Variants in RASGRF2 observed in about 807,000 individuals in gnomAD.
RASGRF2 encodes the protein Ras protein specific guanine nucleotide releasing factor 2, also known as ras-specific guanine nucleotide-releasing factor 2.
RASGRF2 carries 76 observed loss-of-function variants against 151.0 expected under a neutral mutation model. That is an observed-to-expected ratio of 0.50 (90% CI 0.42 to 0.61). The LOEUF (loss-of-function observed/expected upper bound fraction) is 0.61. Among genes scored for constraint, RASGRF2 ranks in the 20% least tolerant of loss-of-function variants. The probability of loss-of-function intolerance (pLI) is 0.00; values close to 1 mark genes in which losing one functional copy is unlikely to be tolerated. For synonymous variants in RASGRF2, 504 were observed against 566.5 expected (o/e 0.89, Z 1.57); for missense variants, 1,148 against 1,564.6 (o/e 0.73, Z 4.49).
At position 81,101,636 on chromosome 5, in the gene RASGRF2, G is replaced by GTC. The variant is rs538013298; in HGVS notation, c.1755+6657_1755+6658dup. ...TCTCTGTCTCTCTTTCTTTCTCTCT[G>GTC]TCTCTCTCTCTCTCCATCCATGCAT... is the stretch of plus-strand genomic sequence containing the variant. On this transcript the variant is annotated intron_variant, in intron 12 of 26. Transcript: ENST00000265080. Among the ~76,000 whole-genome samples the GTC allele has an allele frequency of 1.7e-3, 264 of 151,106 alleles. 2 individuals are homozygous for GTC. Among genetic ancestry groups the GTC allele is most frequent in the East Asian group, 9.7e-4 (5 of 5,148 alleles).
chr5:81,203,606 C>A (rs1176309155), intron 19 of RASGRF2, among the ~76,000 whole-genome samples: 1 of 152,202 alleles, frequency 6.6e-6, no homozygotes, highest in Non-Finnish European at 1.5e-5. Flanking sequence ...CTTGAAACTA[C>A]AACACTGAGC....
intron 1 of RASGRF2, among the ~76,000 whole-genome samples, chr5:81,031,288 C>T (rs528707895): frequency 1.3e-5 from 2 of 152,280 alleles, no homozygotes; most frequent in Non-Finnish European, 2.9e-5. Flanking sequence ...CTCAGCTCTG[C>T]ACCAAGCAGA....
chr5:81,214,305 A>G (rs760865096), intron 23 of RASGRF2, among the ~76,000 whole-genome samples: 5 of 152,216 alleles, frequency 3.3e-5, no homozygotes, highest in African/African-American at 4.8e-5. Context: ...TGGCCTTAGC[A>G]TGGGCTAGTG....
In RASGRF2 at chr5:80,985,852, T is replaced by G. The variant is rs185769834; in HGVS notation, c.288+24826T>G. Among the ~76,000 whole-genome samples the G allele has an allele frequency of 1.1e-3, 171 of 152,194 alleles. No homozygotes were observed. The Middle Eastern group carries it at 0.014, about 12-fold the overall frequency. ...CACCAAAAGGAGTCTGAAGAGAGTG[T>G]TAGGTATGAAGCAAAGATTTTTGTT... On this transcript the variant is annotated intron_variant, in intron 1 of 26. Transcript: ENST00000265080.
chr5:81,147,083 T>C (rs1336388884), intron 17 of RASGRF2, among the ~76,000 whole-genome samples: 1 of 152,180 alleles, frequency 6.6e-6, no homozygotes, highest in Non-Finnish European at 1.5e-5. Flanking sequence ...ATGATCAAGA[T>C]GTGAACTCCT....
intron 1 of RASGRF2, among the ~76,000 whole-genome samples, chr5:81,007,797 C>T (rs992639996): frequency 6.6e-6 from 1 of 152,088 alleles, no homozygotes; most frequent in African/African-American, 2.4e-5. Flanking sequence ...GGAGTGACCT[C>T]ATCCATGGAG....
At chr5:81,088,280 A>G (rs897725513) in intron 9 of RASGRF2, 4 of 152,118 alleles carry the variant, frequency 2.6e-5, no homozygotes, top group African/African-American at 7.2e-5. Context: ...TGCTTGTCCC[A>G]CCAGGCTCAG....
At chr5:81,112,549 C>T (rs1405689374) in intron 13 of RASGRF2, 61 bp from the exon 14 acceptor site, 10 of 1,602,114 alleles carry the variant, frequency 6.2e-6, no homozygotes, top group African/African-American at 1.3e-5. Flanking sequence ...CTGAAATATT[C>T]AGTGGCCGAG....
rs116036948 is a variant in RASGRF2 at position 81,210,330 on chromosome 5, G to A, written c.3156+1892G>A. On this transcript the variant is annotated intron_variant, in intron 22 of 26. Coordinates refer to ENST00000265080, the MANE Select transcript of RASGRF2 (RefSeq NM_006909.3). ...TCAGCTGCTTGAGCCAGTCGCTCCC[G>A]CGCACAGCTGTGTGGCCAGCTCTCA... is the stretch of plus-strand genomic sequence containing the variant. 261 of 152,522 alleles carry A rather than the reference G, an allele frequency of 1.7e-3. 4 individuals are homozygous for A. The highest frequency in any genetic ancestry group is 6.1e-3 in the African/African-American group (252 of 41,584). The allele number at this position is 152,522 out of a possible 1,614,324, so 9.4% of individuals were successfully genotyped here.
chr5:81,132,368 T>A (rs1365985510), intron 17 of RASGRF2, among the ~76,000 whole-genome samples: 1 of 152,132 alleles, frequency 6.6e-6, no homozygotes, highest in African/African-American at 2.4e-5. Flanking sequence ...TTTAAATTGT[T>A]TGTTGTTGTT....
intron 17 of RASGRF2, among the ~76,000 whole-genome samples, chr5:81,138,141 C>T (rs1753799481): frequency 6.6e-6 from 1 of 152,156 alleles, no homozygotes; most frequent in African/African-American, 2.4e-5. Flanking sequence ...TGTTATCTTA[C>T]TGGGTCTCTG....
At chr5:80,977,262 T>C (rs369701324) in intron 1 of RASGRF2, among the ~76,000 whole-genome samples, 3 of 152,292 alleles carry the variant, frequency 2.0e-5, no homozygotes, top group East Asian at 3.9e-4. Flanking sequence ...GTCCAGTATA[T>C]TGAGGCCAAA....
chr5:81,019,608 T>G (rs1749762963), intron 1 of RASGRF2: 1 of 152,236 alleles, frequency 6.6e-6, no homozygotes, highest in African/African-American at 2.4e-5. Context: ...TGTAGTAATT[T>G]AAAACCCTGC....
Position 81,007,918 on chromosome 5 carries a change from C to T in RASGRF2, c.289-34959C>T, listed in dbSNP as rs140151265. On this transcript the variant is annotated intron_variant, in intron 1 of 26. Coordinates refer to ENST00000265080, the MANE Select transcript of RASGRF2 (RefSeq NM_006909.3). ...TGAACAGGAAAAGCAATGGAAGCAT[C>T]CTCATCCCTTGGCCATGGCAGTTAT... 1.2e-3 allele frequency among the ~76,000 whole-genome samples: 178 copies of T among 152,238 alleles called. 1 individual carries two copies. Among genetic ancestry groups the T allele is most frequent in the Non-Finnish European group, 2.0e-3 (137 of 68,028 alleles).
At chr5:81,181,419 A>T (rs1754914185) in intron 18 of RASGRF2, among the ~76,000 whole-genome samples, 1 of 152,244 alleles carries the variant, frequency 6.6e-6, no homozygotes, top group Non-Finnish European at 1.5e-5. Context: ...CATACTAAAT[A>T]ATGTAAACAT....
intron 26 of RASGRF2, among the ~76,000 whole-genome samples, chr5:81,220,193 A>T (rs972764745): frequency 1.3e-5 from 2 of 152,018 alleles, no homozygotes; most frequent in African/African-American, 4.8e-5. Flanking sequence ...TCTTAGGATT[A>T]AAAAAAATTA....
In RASGRF2 at chr5:81,016,858, G is replaced by A. The variant is rs149711404; in HGVS notation, c.289-26019G>A. Among the ~76,000 whole-genome samples, 1,151 of 152,150 alleles carry A rather than the reference G, an allele frequency of 7.6e-3. 13 individuals carry two copies. The highest frequency in any genetic ancestry group is 0.026 in the African/African-American group (1,098 of 41,506). The stretch of plus-strand genomic sequence containing the variant: ...TAGAAAACTCTTGCATGTCATTCAA[G>A]CTTAAAAAATATAAACTCCTCTCTA... On this transcript the variant is annotated intron_variant, in intron 1 of 26. Coordinates refer to ENST00000265080, the MANE Select transcript of RASGRF2 (RefSeq NM_006909.3).
intron 2 of RASGRF2, among the ~76,000 whole-genome samples, chr5:81,065,669 C>G (rs148664581): frequency 6.6e-6 from 1 of 152,198 alleles, no homozygotes; most frequent in African/African-American, 2.4e-5. Context: ...TTGCTGCTTC[C>G]GAGCTTGGAG....
In RASGRF2 at chr5:81,225,797, G is replaced by A. The variant is rs774479637; in HGVS notation, c.*27G>A. ...GATCTGGCCTTGCCCCTGAGTCCAC[G>A]GGATGTTCATGGAAAGCAGGACAGA... On this transcript the variant is annotated 3_prime_UTR_variant, in exon 27 of 27. Transcript: ENST00000265080. 7.5e-6 allele frequency: 12 copies of A among 1,604,566 alleles called. No individual in the cohort carries two copies. Among genetic ancestry groups the A allele is most frequent in the Middle Eastern group, 1.7e-4 (1 of 6,018 alleles).
Sources: allele counts gnomAD v4.1 joint callset (sites outside exome capture counted in the v4.1 genomes callset), GRCh38; gene constraint gnomAD v4.1.1; transcripts MANE v1.5; gene names NCBI Gene and HGNC (gene_info 2026-07-23, HGNC 2026-07-21).